FAM193A: variants seen among roughly 807,000 people sequenced by gnomAD.
FAM193A encodes family with sequence similarity 193 member A.
FAM193A carries 22 observed loss-of-function variants against 126.5 expected under a neutral mutation model. The observed-to-expected ratio is 0.17, with a 90% CI of 0.12 to 0.25. The LOEUF (loss-of-function observed/expected upper bound fraction) is 0.25, where lower values mean the gene tolerates loss of function less well. FAM193A is among the 10% of genes least tolerant of loss of function. The pLI is 1.00. For synonymous variants in FAM193A, 761 were observed against 646.8 expected (o/e 1.18, Z -2.68); for missense variants, 1,675 against 1,672.8 (o/e 1.00, Z -0.02).
rs369396957 is a variant in FAM193A at position 2,661,398 on chromosome 4, GC to G, written c.1745+1345del. ...ATCTTATGGGTTGGATCTTTACGGA[GC>G]TAGGGCTGGTGAAGCCTCCTGCTGT... On this transcript the variant is annotated intron_variant, in intron 10 of 20. Transcript: ENST00000637812. Among the ~76,000 whole-genome samples, 19 of 152,332 alleles carry G rather than the reference GC, an allele frequency of 1.2e-4. No homozygotes were observed. In the South Asian group the frequency reaches 3.5e-3, roughly 28 times the overall value.
intron 1 of FAM193A, among the ~76,000 whole-genome samples, chr4:2,562,014 A>G (rs1314538704): frequency 6.6e-6 from 1 of 152,190 alleles, no homozygotes; most frequent in African/African-American, 2.4e-5. Context: ...AGTTTTGTCT[A>G]AAGATCTCAG....
intron 2 of FAM193A, among the ~76,000 whole-genome samples, chr4:2,623,823 A>G (rs1387858962): frequency 6.6e-6 from 1 of 152,004 alleles, no homozygotes; most frequent in African/African-American, 2.4e-5. Context: ...AATACTCAAG[A>G]CTTAGGTGAA....
At chr4:2,541,041 CAGGA>C in intron 1 of FAM193A, among the ~76,000 whole-genome samples, 4 of 151,102 alleles carry the variant, frequency 2.6e-5, no homozygotes, top group Non-Finnish European at 5.9e-5. Flanking sequence ...GAAGCCGAGG[CAGGA>C]GGATCAGCTG....
At position 2,699,962 on chromosome 4, in the gene FAM193A, C is replaced by G; in HGVS notation, c.3790C>G (p.Leu1264Val). The G allele has an allele frequency of 1.2e-6, 2 of 1,613,994 alleles. No individual in the cohort carries two copies. Among genetic ancestry groups the G allele is most frequent in the Non-Finnish European group, 1.7e-6 (2 of 1,179,998 alleles). The change falls in exon 19 of 21, where the codon CTA (leucine) becomes GTA (valine). Residue 1264 changes from leucine to valine, a missense_variant. Around this residue, in one of 4 missense-constraint regions of FAM193A, gnomAD observed 415 missense variants for 396.7 expected, o/e 1.05. Coordinates refer to ENST00000637812, the MANE Select transcript of FAM193A (RefSeq NM_001366318.2). ...CTCTGGAAACATCCACAATGGCTCA[C>G]TAGAGCAAACTGAAGAACCAGAAAC... ...PNSGNIHNGSLEQTEEPETSS... is the reference protein window; with the variant it reads ...PNSGNIHNGSVEQTEEPETSS...
intron 19 of FAM193A, among the ~76,000 whole-genome samples, chr4:2,701,733 A>G (rs1007705499): frequency 1.3e-5 from 2 of 151,964 alleles, no homozygotes; most frequent in Admixed American, 6.6e-5. Context: ...AGCATCCATT[A>G]ATGATTCTTG....
chr4:2,668,785 CCTCTCTCTCTCTTTCT>C (rs1264297609), intron 12 of FAM193A, among the ~76,000 whole-genome samples: 77 of 151,080 alleles, frequency 5.1e-4, no homozygotes, highest in Non-Finnish European at 1.0e-3. Context: ...TTTTCCTTTT[CCTCTCTCTCTCTTTCT>C]CTCTCTCTCT....
Position 2,659,662 on chromosome 4 carries a change from C to T in FAM193A, c.1494C>T (p.Tyr498=), listed in dbSNP as rs1460403806. 1.2e-6 allele frequency: 2 copies of T among 1,613,874 alleles called. No individual in the cohort carries two copies. The highest frequency in any genetic ancestry group is 1.7e-6 in the Non-Finnish European group (2 of 1,179,768). ...LSMPDCPNCN[Y]RRRCACDDCS... is the part of the protein sequence containing the mutation. ...TGCCCGACTGCCCCAACTGCAACTA[C>T]AGGAGAAGGTAAGGCTGGGTTGTGG... Residue 498 remains tyrosine (Y), a synonymous_variant, in exon 9 of 21, where the codon TAC becomes TAT. Transcript: ENST00000637812.
At chr4:2,624,137 T>G (rs957762086) in intron 2 of FAM193A, among the ~76,000 whole-genome samples, 2 of 151,924 alleles carry the variant, frequency 1.3e-5, no homozygotes, top group African/African-American at 4.8e-5. Flanking sequence ...GGTGAAATCC[T>G]TTTGGCGTGG....
At chr4:2,594,907 C>T (rs938507898) in intron 1 of FAM193A, among the ~76,000 whole-genome samples, 2 of 135,954 alleles carry the variant, frequency 1.5e-5, no homozygotes, top group African/African-American at 2.8e-5. Flanking sequence ...TGGCTCACTG[C>T]AACCTCCACC....
chr4:2,649,022 A>G (rs1003303401), intron 7 of FAM193A, among the ~76,000 whole-genome samples: 3 of 152,162 alleles, frequency 2.0e-5, no homozygotes, highest in Admixed American at 2.0e-4. Flanking sequence ...ATGTTAGGTG[A>G]TGTTTTAGTG....
chr4:2,699,811 G>T lies in FAM193A; in HGVS notation c.3639G>T (p.Gln1213His). Reference sequence around the variant, plus strand: ...AGGATCGTTTCAAGGAGGAATTTCAGCGGCTTCAGGAGCTTCAGAAGCTAA... The same window carrying T: ...AGGATCGTTTCAAGGAGGAATTTCATCGGCTTCAGGAGCTTCAGAAGCTAA... ...EEEDRFKEEF[Q>H]RLQELQKLRA... Residue 1213 changes from glutamine (Q) to histidine (H), a missense_variant, in exon 19 of 21, where the codon CAG becomes CAT. Gln to His is a conservative substitution (Grantham distance 24). This residue lies in a region of FAM193A where 415 missense variants were observed against 396.7 expected (regional missense o/e 1.05). Coordinates refer to ENST00000637812, the MANE Select transcript of FAM193A (RefSeq NM_001366318.2). 6.2e-7 allele frequency: 1 copy of T among 1,613,898 alleles called. No homozygotes were observed.
chr4:2,543,702 G>T (rs183577973), intron 1 of FAM193A, among the ~76,000 whole-genome samples: 97 of 151,450 alleles, frequency 6.4e-4, no homozygotes, highest in African/African-American at 2.3e-3. Flanking sequence ...ACTAAAAAAT[G>T]CAAAAATTAG....
intron 18 of FAM193A, 146 bp from the exon 19 acceptor site, chr4:2,699,534 G>C (rs1427145521): frequency 2.9e-6 from 2 of 678,854 alleles, no homozygotes; most frequent in African/African-American, 3.6e-5. Flanking sequence ...TTGGAGGTGG[G>C]TGTGTGTTAA....
chr4:2,697,079 G>A (rs1025715108), intron 18 of FAM193A, among the ~76,000 whole-genome samples: 2 of 152,162 alleles, frequency 1.3e-5, no homozygotes, highest in South Asian at 4.1e-4. Context: ...TGCTGTTCCA[G>A]ATGAAGACCA....
chr4:2,560,509 G>C (rs1178890712), intron 1 of FAM193A, among the ~76,000 whole-genome samples: 1 of 152,178 alleles, frequency 6.6e-6, no homozygotes, highest in Non-Finnish European at 1.5e-5. Flanking sequence ...TTTGATGTGA[G>C]CTTCTGCATT....
At chr4:2,701,091 C>G (rs540669807) in intron 19 of FAM193A, among the ~76,000 whole-genome samples, 21 of 152,124 alleles carry the variant, frequency 1.4e-4, no homozygotes, top group Admixed American at 1.4e-3. Flanking sequence ...TTTTTCTGGA[C>G]AGAAGGAGAG....
intron 19 of FAM193A, among the ~76,000 whole-genome samples, chr4:2,706,111 G>A (rs1278956780): frequency 6.6e-6 from 1 of 152,092 alleles, no homozygotes; most frequent in Non-Finnish European, 1.5e-5. Context: ...GGAAGGCTGA[G>A]GCAGGAGGAT....
chr4:2,544,280 G>T (rs1409446884), intron 1 of FAM193A, among the ~76,000 whole-genome samples: 1 of 152,140 alleles, frequency 6.6e-6, no homozygotes, highest in Admixed American at 6.6e-5. Flanking sequence ...AAGAATATAG[G>T]TTGGCACAGT....
intron 18 of FAM193A, among the ~76,000 whole-genome samples, chr4:2,699,265 G>A (rs1274873684): frequency 1.3e-5 from 2 of 152,100 alleles, no homozygotes; most frequent in South Asian, 2.1e-4. Flanking sequence ...AGTACTGCCC[G>A]GGCAGTCTGT....
Sources: allele counts gnomAD v4.1 joint callset (sites outside exome capture counted in the v4.1 genomes callset), GRCh38; gene constraint gnomAD v4.1.1; regional missense constraint gnomAD v4.1.1; transcripts MANE v1.5; gene names NCBI Gene and HGNC (gene_info 2026-07-23, HGNC 2026-07-21).